The following VIRMA variants were observed in gnomAD, a reference collection of about 807,000 sequenced individuals.
VIRMA encodes protein virilizer homolog.
In VIRMA, 65 loss-of-function variants were observed where a neutral mutation model predicts 182.4. The observed-to-expected ratio is 0.36, with a 90% CI of 0.29 to 0.44. VIRMA has a LOEUF of 0.44. VIRMA is among the 20% of genes least tolerant of loss of function. The pLI is 1.00. For synonymous variants in VIRMA, 709 were observed against 743.1 expected, an observed-to-expected ratio of 0.95 and a Z score of 0.75; for missense variants, 1,752 against 2,158.1, an observed-to-expected ratio of 0.81 and a Z score of 3.73.
At chr8:94,490,873 TCAAA>T (rs1274141346) in intron 22 of VIRMA, among the ~76,000 whole-genome samples, 3 of 151,652 alleles carry the variant, frequency 2.0e-5, no homozygotes, top group Non-Finnish European at 2.9e-5. Context: ...TGTAACAATT[TCAAA>T]CAGACTAAAT....
At chr8:94,550,026 G>A (rs1336030960) in intron 1 of VIRMA, among the ~76,000 whole-genome samples, 2 of 151,944 alleles carry the variant, frequency 1.3e-5, no homozygotes, top group Non-Finnish European at 2.9e-5. Context: ...GAGCCCTGGT[G>A]GGAGAAATTG....
At chr8:94,516,487 T>C (rs575439672) in intron 10 of VIRMA, among the ~76,000 whole-genome samples, 1 of 152,302 alleles carries the variant, frequency 6.6e-6, no homozygotes, top group Non-Finnish European at 1.5e-5. Flanking sequence ...AGCACTCCAA[T>C]GTAAAAAGTG....
chr8:94,510,683 AG>A (rs1814335997), intron 13 of VIRMA, 31 bp from the exon 14 acceptor site: 1 of 1,472,298 alleles, frequency 6.8e-7, no homozygotes, highest in South Asian at 1.2e-5. Context: ...GTGTGTACGT[AG>A]ATTTTTTAAT....
At chr8:94,489,864 T>C (rs1167882114) in intron 23 of VIRMA, 75 bp downstream of exon 23, 27 of 1,507,226 alleles carry the variant, frequency 1.8e-5, no homozygotes, top group Middle Eastern at 2.2e-4. Context: ...GCCCCCTCTG[T>C]ATATGATATC....
chr8:94,526,815 G>T lies in VIRMA; in HGVS notation c.1429C>A (p.Leu477Met), dbSNP rs577151003. Residue 477 changes from leucine to methionine, a missense_variant, in exon 8 of 24, where the codon CTG becomes ATG. Physicochemically the swap from Leu to Met is conservative, Grantham distance 15. Transcript: ENST00000297591. ...CCACTGATCACTCCTGCTTGTAGCA[G>T]TCCTGTAACTCCTTGAGCCCCACAT... The part of the protein sequence containing the change: ...AECGAQGVTG[L>M]LQAGVISGLF... 6.8e-6 allele frequency: 11 copies of T among 1,614,136 alleles called. No individual in the cohort carries two copies. The East Asian group carries it at 1.6e-4, about 23-fold the overall frequency.
intron 1 of VIRMA, among the ~76,000 whole-genome samples, chr8:94,545,882 T>C (rs567645906): frequency 6.6e-6 from 1 of 151,930 alleles, no homozygotes; most frequent in South Asian, 2.1e-4. Flanking sequence ...TATAGGAAGA[T>C]CCTGTGTCTA....
intron 1 of VIRMA, among the ~76,000 whole-genome samples, chr8:94,544,455 G>A (rs1048969696): frequency 1.3e-5 from 2 of 151,812 alleles, no homozygotes; most frequent in Non-Finnish European, 2.9e-5. Flanking sequence ...GGTGGATCAC[G>A]AGGTCAGGAG....
chr8:94,491,020 A>G (rs919964291), intron 22 of VIRMA, among the ~76,000 whole-genome samples: 11 of 152,060 alleles, frequency 7.2e-5, no homozygotes, highest in African/African-American at 2.7e-4. Context: ...CTCAATGTAA[A>G]AAGGAAAATA....
rs1305090969 is a variant in VIRMA at position 94,511,320 on chromosome 8, A to C, written c.3255T>G (p.Thr1085=). ...VNEKLTISEE[T]LANNTWSLML... ...TTAAAGACCAAGTATTATTGGCCAG[A>C]GTCTCTTCTGAGATTGTGAGTTTTT... The change falls in exon 13 of 24, where the codon ACT becomes ACG. Residue 1085 remains threonine, a synonymous_variant. Transcript: ENST00000297591. 6.2e-7 allele frequency: 1 copy of C among 1,613,812 alleles called. No homozygotes were observed.
chr8:94,493,030 TGTGG>T (rs1813656582), intron 20 of VIRMA, among the ~76,000 whole-genome samples: 1 of 152,210 alleles, frequency 6.6e-6, no homozygotes, highest in Non-Finnish European at 1.5e-5. Flanking sequence ...TTTTTTTGTG[TGTGG>T]CATTCTTCAA....
At chr8:94,523,264 T>C (rs1376278306) in intron 8 of VIRMA, among the ~76,000 whole-genome samples, 2 of 152,170 alleles carry the variant, frequency 1.3e-5, no homozygotes, top group Admixed American at 6.5e-5. Context: ...AACATCTCCC[T>C]CTCCACTGAC....
At chr8:94,528,405 T>G (rs1008676583) in intron 7 of VIRMA, among the ~76,000 whole-genome samples, 2 of 152,172 alleles carry the variant, frequency 1.3e-5, no homozygotes, top group Admixed American at 6.5e-5. Context: ...AGAGCCCCTA[T>G]GATTCTGAAA....
chr8:94,549,814 T>A (rs1324515640), intron 1 of VIRMA, among the ~76,000 whole-genome samples: 4 of 152,112 alleles, frequency 2.6e-5, no homozygotes, highest in African/African-American at 9.7e-5. Flanking sequence ...AAACTCAGCG[T>A]GGGCCCTGCA....
intron 16 of VIRMA, among the ~76,000 whole-genome samples, chr8:94,504,621 G>A (rs1387104232): frequency 6.6e-6 from 1 of 152,162 alleles, no homozygotes; most frequent in Non-Finnish European, 1.5e-5. Context: ...GAATTTTAGA[G>A]AGCCAAATGG....
At chr8:94,515,048 G>T in intron 10 of VIRMA, 97 bp from the exon 11 acceptor site, 2 of 573,988 alleles carry the variant, frequency 3.5e-6, no homozygotes. Context: ...TTAGGTCCAT[G>T]TTGATTTCAA....
At chr8:94,494,286 A>G (rs1240166755) in intron 20 of VIRMA, among the ~76,000 whole-genome samples, 6 of 151,352 alleles carry the variant, frequency 4.0e-5, no homozygotes, top group East Asian at 1.9e-4. Context: ...GACTTTATCT[A>G]TATTAAAAAA....
intron 8 of VIRMA, among the ~76,000 whole-genome samples, chr8:94,524,715 A>G (rs3133648): frequency 0.56 from 85,743 of 152,008 alleles, 24,594 homozygotes; most frequent in East Asian, 0.81. Context: ...GGCCTACACC[A>G]TTTCAAATCC....
intron 17 of VIRMA, chr8:94,498,114 T>A (rs1475077314): frequency 6.6e-6 from 1 of 152,174 alleles, no homozygotes; most frequent in Non-Finnish European, 1.5e-5. Flanking sequence ...TAGGTTCAAG[T>A]GATTTCCCCA....
rs755980531 is a variant in VIRMA, at chr8:94,517,855, C to A, written c.2601G>T (p.Met867Ile). ...AGAGAGATGCTGCATGTTGTTCTAG[C>A]ATTTGAACATCACTGGAAGACTGAA... ...VVVQSSSDVQ[M>I]LEQHAASLLK... Residue 867 changes from methionine (M) to isoleucine (I), a missense_variant, in exon 10 of 24, where the codon ATG becomes ATT. Around this residue, in one of 11 missense-constraint regions of VIRMA, gnomAD observed 777 missense variants for 920.6 expected, o/e 0.84. Coordinates refer to ENST00000297591, the MANE Select transcript of VIRMA (RefSeq NM_015496.5). 3 of 1,611,644 alleles carry A rather than the reference C, an allele frequency of 1.9e-6. 1 individual carries two copies. In the Admixed American group the frequency reaches 5.0e-5, roughly 27 times the overall value.
Sources: gnomAD v4.1 joint callset for allele counts (sites outside exome capture counted in the v4.1 genomes callset) on GRCh38, gnomAD v4.1.1 for gene constraint, gnomAD v4.1.1 regional missense constraint, MANE v1.5 for transcripts, NCBI Gene and HGNC (gene_info 2026-07-23, HGNC 2026-07-21) for gene names.